AZIN2: variants seen among roughly 807,000 people sequenced by gnomAD.
AZIN2 encodes ODC antizyme inhibitor-2.
Under a neutral mutation model 47.8 loss-of-function variants are expected in AZIN2, and 28 were observed. That is an observed-to-expected ratio of 0.59 (90% CI 0.43 to 0.80). AZIN2 has a LOEUF of 0.80. AZIN2 is among the 30% of genes least tolerant of loss of function. The pLI is 0.00. For missense variants in AZIN2, 535 were observed against 582.5 expected (o/e 0.92, Z 0.84); for synonymous variants, 221 against 239.4 (o/e 0.92, Z 0.71).
chr1:33,144,633 A>G, the AZIN2 span, among the ~76,000 whole-genome samples: 2 of 152,204 alleles, frequency 1.3e-5, no homozygotes, highest in Non-Finnish European at 2.9e-5. Context: ...AATTCTTTAA[A>G]AGCTTGATAT....
At chr1:33,143,972 C>A in the AZIN2 span, among the ~76,000 whole-genome samples, 5 of 152,314 alleles carry the variant, frequency 3.3e-5, no homozygotes, top group South Asian at 1.0e-3. Flanking sequence ...ATGTCTCTTG[C>A]CTGAGTCACT....
chr1:33,146,894 G>T, the AZIN2 span: 32 of 457,084 alleles, frequency 7.0e-5, no homozygotes, highest in South Asian at 5.2e-4. Context: ...GAGAAGATGG[G>T]GATGAGGGTT....
the AZIN2 span, among the ~76,000 whole-genome samples, chr1:33,155,408 T>C: frequency 9.4e-3 from 1,436 of 152,076 alleles, 22 homozygotes; most frequent in African/African-American, 0.033. Flanking sequence ...GGACTTTTGA[T>C]GTTTGTGGAA....
At chr1:33,165,001 A>G in the AZIN2 span, 2 of 148,108 alleles carry the variant, frequency 1.4e-5, no homozygotes, top group African/African-American at 2.5e-5. The surrounding 1 kb of genome is among the most constrained non-coding windows in gnomAD (Gnocchi z 4.0). Flanking sequence ...TATATTGGCC[A>G]GGCTGGTCTC....
downstream of AZIN2, among the ~76,000 whole-genome samples, chr1:33,127,345 A>C (rs565800444): frequency 6.6e-6 from 1 of 152,366 alleles, no homozygotes; most frequent in South Asian, 2.1e-4. Context: ...CTAGGCTTCG[A>C]GCCACGCGAT....
At chr1:33,108,278 A>G (rs1644115541) in intron 10 of AZIN2, among the ~76,000 whole-genome samples, 3 of 152,322 alleles carry the variant, frequency 2.0e-5, no homozygotes, top group Admixed American at 6.5e-5. Flanking sequence ...ATCCACATAT[A>G]GAAGAATAAA....
At position 33,098,107 on chromosome 1, in the gene AZIN2, T is replaced by C; in HGVS notation, c.957T>C (p.Leu319=). The part of the protein sequence containing the change: ...GSTSKTIVYH[L]DEGVYGIFNS... ...CCTCCAAGACCATCGTGTACCACCT[T>C]GATGAGGGCGTGTATGGGATCTTCA... Residue 319 remains leucine, a synonymous_variant, in exon 10 of 12, where the codon CTT becomes CTC. Coordinates refer to ENST00000294517, the MANE Select transcript of AZIN2 (RefSeq NM_052998.4). The C allele has an allele frequency of 6.2e-7, 1 of 1,614,126 alleles. No individual in the cohort carries two copies. The highest frequency in any genetic ancestry group is 8.5e-7 in the Non-Finnish European group (1 of 1,180,002).
At chr1:33,158,343 T>A in the AZIN2 span, 2 of 1,613,896 alleles carry the variant, frequency 1.2e-6, no homozygotes, top group South Asian at 2.2e-5. Context: ...TATGTGAGGT[T>A]GGTCTCATGG....
Position 33,093,333 on chromosome 1 carries a change from C to A in AZIN2, c.504C>A (p.Ser168Arg). 6.2e-6 allele frequency: 10 copies of A among 1,613,966 alleles called. No homozygotes were observed. Among genetic ancestry groups the A allele is most frequent in the Non-Finnish European group, 8.5e-6 (10 of 1,179,954 alleles). The change falls in exon 7 of 12, where the codon AGC becomes AGA. Residue 168 changes from serine (S) to arginine (R), a missense_variant. Ser to Arg is a moderately radical substitution (Grantham distance 110). Transcript: ENST00000294517. ...TDDSHSLSCL[S>R]LKFGVSLKSC... is the part of the protein sequence containing the mutation. ...ACTCCCACTCCCTGAGCTGCCTGAG[C>A]CTAAAGTTTGGAGTGTCACTGAAAT...
chr1:33,094,816 G>A lies in AZIN2; in HGVS notation c.753+103G>A. On this transcript the variant is annotated intron_variant, in intron 8 of 11. Coordinates refer to ENST00000294517, the MANE Select transcript of AZIN2 (RefSeq NM_052998.4). ...CCACCGTGCGTGGGTCCTATGCACT[G>A]CATGCAGTGCTTGGTGCTTACCTGG... 4 of 1,262,688 alleles carry A rather than the reference G, an allele frequency of 3.2e-6. No individual in the cohort carries two copies. The East Asian group carries it at 7.0e-5, about 22-fold the overall frequency. The allele number at this position is 1,262,688 out of a possible 1,614,324, so 78.2% of individuals were successfully genotyped here.
rs1570082512 is a variant in AZIN2 at position 33,101,932 on chromosome 1, C to G, written c.1029+3753C>G. 1.4e-5 allele frequency: 11 copies of G among 772,932 alleles called. No homozygotes were observed. In the East Asian group the frequency reaches 2.7e-4, roughly 19 times the overall value. The allele number at this position is 772,932 out of a possible 1,614,324, so 47.9% of individuals were successfully genotyped here. On this transcript the variant is annotated intron_variant, in intron 10 of 11. Transcript: ENST00000294517. Reference sequence around the variant, plus strand: ...GTATGCTGCAGTTTATTTGTCCATTCTCCTCTCAAGGCATTTGGACTGTCT... The same window carrying G: ...GTATGCTGCAGTTTATTTGTCCATTGTCCTCTCAAGGCATTTGGACTGTCT...
downstream of AZIN2, among the ~76,000 whole-genome samples, chr1:33,124,422 T>C (rs1019916911): frequency 1.3e-5 from 2 of 150,508 alleles, no homozygotes; most frequent in Non-Finnish European, 3.0e-5. This position sits in a 1 kb window ranked among gnomAD's most constrained non-coding sequence, Gnocchi z 4.6. Context: ...GAAAAAAAAG[T>C]ATACTCAAAA....
chr1:33,119,842 G>T, intron 11 of AZIN2: 1 of 616,178 alleles, frequency 1.6e-6, no homozygotes, highest in Non-Finnish European at 2.8e-6. Context: ...CGATACATGT[G>T]GATTTCTTTC....
chr1:33,130,144 C>T, the AZIN2 span, among the ~76,000 whole-genome samples: 1 of 152,184 alleles, frequency 6.6e-6, no homozygotes, highest in African/African-American at 2.4e-5. Context: ...CAGGTATGAA[C>T]CACTGCACCT....
chr1:33,154,276 C>G, the AZIN2 span, among the ~76,000 whole-genome samples: 10 of 151,522 alleles, frequency 6.6e-5, no homozygotes, highest in African/African-American at 2.4e-4. Context: ...CGATTCCCTC[C>G]CCAGTCACTG....
At position 33,122,363 on chromosome 1, in the gene AZIN2, G is replaced by A. The variant is rs918304948; in HGVS notation, c.*2181G>A. Among the ~76,000 whole-genome samples the A allele has an allele frequency of 2.0e-5, 3 of 152,168 alleles. No individual in the cohort carries two copies. Among genetic ancestry groups the A allele is most frequent in the Non-Finnish European group, 2.9e-5 (2 of 68,036 alleles). On this transcript the variant is annotated 3_prime_UTR_variant, in exon 12 of 12. Coordinates refer to ENST00000294517, the MANE Select transcript of AZIN2 (RefSeq NM_052998.4). ...GATTTCTCACTGGAGCCTTTCTAGTGTTTCATGTTCCATTTGCAGCAAGGA... is the reference window on the plus strand; with the variant it reads ...GATTTCTCACTGGAGCCTTTCTAGTATTTCATGTTCCATTTGCAGCAAGGA...
chr1:33,085,474 T>C (rs558733674), intron 5 of AZIN2, among the ~76,000 whole-genome samples: 29 of 151,800 alleles, frequency 1.9e-4, no homozygotes, highest in Non-Finnish European at 3.1e-4. Context: ...GCAAAGGCCC[T>C]GAGGTGGGAG....
the AZIN2 span, among the ~76,000 whole-genome samples, chr1:33,131,189 T>G: frequency 6.6e-6 from 1 of 152,240 alleles, no homozygotes; most frequent in South Asian, 2.1e-4. Context: ...TTCCTGAGTT[T>G]GATTTACTTG....
At chr1:33,124,792 T>C (rs571629278), downstream of AZIN2, among the ~76,000 whole-genome samples, 3 of 152,318 alleles carry the variant, frequency 2.0e-5, no homozygotes, top group South Asian at 4.1e-4. The surrounding 1 kb of genome is among the most constrained non-coding windows in gnomAD (Gnocchi z 4.6). Flanking sequence ...GTTCTTGTGA[T>C]AGTTTGCTCA....
Sources: gnomAD v4.1 joint callset for allele counts (sites outside exome capture counted in the v4.1 genomes callset) on GRCh38, gnomAD v4.1.1 for gene constraint, Gnocchi (gnomAD v3.1) non-coding constraint, MANE v1.5 for transcripts, NCBI Gene and HGNC (gene_info 2026-07-23, HGNC 2026-07-21) for gene names.